LBP: variants seen among roughly 807,000 people sequenced by gnomAD.
The protein encoded by LBP is lipopolysaccharide binding protein.
A neutral mutation model predicts 56.6 loss-of-function variants in LBP; 53 were observed. The observed-to-expected ratio is 0.94, with a 90% CI of 0.75 to 1.18. The LOEUF (loss-of-function observed/expected upper bound fraction) is 1.18. LBP is among the 50% of genes most tolerant of loss of function. The probability of loss-of-function intolerance (pLI) is 0.00; values close to 1 mark genes in which losing one functional copy is unlikely to be tolerated. For synonymous variants in LBP, 227 were observed against 247.5 expected, an observed-to-expected ratio of 0.92 and a Z score of 0.78; for missense variants, 601 against 598.3, an observed-to-expected ratio of 1.00 and a Z score of -0.05.
chr20:38,358,239 A>G (rs1475836693), intron 5 of LBP, among the ~76,000 whole-genome samples: 1 of 152,202 alleles, frequency 6.6e-6, no homozygotes. Context: ...AGAACCAAAA[A>G]GCAGAGAGAG....
At chr20:38,373,371 CTTATAAGCGGGACAG>C (rs2076907410) in intron 13 of LBP, among the ~76,000 whole-genome samples, 1 of 152,142 alleles carries the variant, frequency 6.6e-6, no homozygotes, top group Admixed American at 6.5e-5. Context: ...GGGAAACCTC[CTTATAAGCGGGACAG>C]AGGGACACAT....
In LBP at chr20:38,370,715, C is replaced by T. The variant is rs199832031; in HGVS notation, c.1150-23C>T. 4.4e-6 allele frequency: 7 copies of T among 1,608,466 alleles called. No homozygotes were observed. In the East Asian group the frequency reaches 1.6e-4, roughly 36 times the overall value. On this transcript the variant is annotated intron_variant, in intron 10 of 14. Transcript: ENST00000217407. ...ATACAACCTTCATCACTTACACCTGCTTCCTTCTTCTGGCATTTCCAGGCC... is the reference window on the plus strand; with the variant it reads ...ATACAACCTTCATCACTTACACCTGTTTCCTTCTTCTGGCATTTCCAGGCC...
chr20:38,349,224 AG>A (rs2076811853), intron 1 of LBP, among the ~76,000 whole-genome samples: 1 of 152,240 alleles, frequency 6.6e-6, no homozygotes, highest in African/African-American at 2.4e-5. Context: ...TCTTCTACAC[AG>A]GCCAGATGTC....
At position 38,373,241 on chromosome 20, in the gene LBP, G is replaced by C. The variant is rs1006265727; in HGVS notation, c.1324+106G>C. The C allele has an allele frequency of 4.3e-6, 4 of 937,410 alleles. No homozygotes were observed. In the African/African-American group the frequency reaches 6.5e-5, roughly 15 times the overall value. The allele number at this position is 937,410 out of a possible 1,614,324, so 58.1% of individuals were successfully genotyped here. A position where few individuals can be genotyped will look rare whatever the true frequency, so the allele number is the denominator to read the frequency against. ...GCTCTCCTGGGGGCTGTATGACCGT[G>C]GGCAAGTCACTTCTCTCTGAGCTTA... On this transcript the variant is annotated intron_variant, in intron 13 of 14. Coordinates refer to ENST00000217407, the MANE Select transcript of LBP (RefSeq NM_004139.5).
At position 38,348,629 on chromosome 20, in the gene LBP, T is replaced by C. The variant is rs553029121; in HGVS notation, c.125-919T>C. ...CATATTTTTAATAATATAAACCCTA[T>C]TTGCTGTTCCAGGCATTTACTGAGT... is the stretch of plus-strand genomic sequence containing the variant. On this transcript the variant is annotated intron_variant, in intron 1 of 14. Coordinates refer to ENST00000217407, the MANE Select transcript of LBP (RefSeq NM_004139.5). Among the ~76,000 whole-genome samples, 74 of 151,844 alleles carry C rather than the reference T, an allele frequency of 4.9e-4. No homozygotes were observed. The South Asian group carries it at 8.8e-3, about 18-fold the overall frequency.
intron 5 of LBP, among the ~76,000 whole-genome samples, chr20:38,359,189 T>G (rs1600725462): frequency 6.6e-6 from 1 of 152,224 alleles, no homozygotes; most frequent in African/African-American, 2.4e-5. Context: ...TAATCTTGCT[T>G]TTAGAGGGGT....
At chr20:38,376,482 G>A (rs895098313) in intron 14 of LBP, 143 bp from the exon 15 acceptor site, 2 of 745,992 alleles carry the variant, frequency 2.7e-6, no homozygotes, top group African/African-American at 1.7e-5. Context: ...CTTGGGGACT[G>A]AGGCACACTC....
In LBP at chr20:38,364,159, C is replaced by T. The variant is rs1011333269; in HGVS notation, c.744+93C>T. ...CTGTCCCCCCAACTTCAGATCTGTC[C>T]TCATCCTCCCAGTGGTTCCCGCTTT... On this transcript the variant is annotated intron_variant, in intron 7 of 14. Transcript: ENST00000217407. 20 of 824,252 alleles carry T rather than the reference C, an allele frequency of 2.4e-5. 1 individual carries two copies. In the Middle Eastern group the frequency reaches 1.1e-3, roughly 46 times the overall value. The allele number at this position is 824,252 out of a possible 1,614,324, so 51.1% of individuals were successfully genotyped here. A position where few individuals can be genotyped will look rare whatever the true frequency, so the allele number is the denominator to read the frequency against.
intron 1 of LBP, among the ~76,000 whole-genome samples, chr20:38,348,751 T>TAGTTC (rs2076809780): frequency 2.7e-5 from 2 of 73,424 alleles, no homozygotes; most frequent in Non-Finnish European, 6.5e-5. Flanking sequence ...GAGGAAAGTT[T>TAGTTC]AGTTTAGTTT....
At chr20:38,370,027 ATATTGTTGT>A (rs1189150823) in intron 10 of LBP, among the ~76,000 whole-genome samples, 1 of 152,044 alleles carries the variant, frequency 6.6e-6, no homozygotes, top group Non-Finnish European at 1.5e-5. Context: ...CTGCAATTTA[ATATTGTTGT>A]TATTGTTATC....
chr20:38,366,776 C>T lies in LBP; in HGVS notation c.929C>T (p.Pro310Leu). Reference protein sequence around the residue: ...NFSITDDMIPPDSNIRLTTKS... With the variant: ...NFSITDDMIPLDSNIRLTTKS... ...CATGTCTCTTTGCTGCAGATACCGCCTGACTCTAATATCCGACTGACCACC... is the reference window on the plus strand; with the variant it reads ...CATGTCTCTTTGCTGCAGATACCGCTTGACTCTAATATCCGACTGACCACC... The change falls in exon 9 of 15, where the codon CCT becomes CTT. Residue 310 changes from proline to leucine, a missense_variant. Pro to Leu is a moderately conservative substitution (Grantham distance 98). Coordinates refer to ENST00000217407, the MANE Select transcript of LBP (RefSeq NM_004139.5). The T allele has an allele frequency of 6.2e-7, 1 of 1,614,166 alleles. No individual in the cohort carries two copies. Among genetic ancestry groups the T allele is most frequent in the Non-Finnish European group, 8.5e-7 (1 of 1,180,044 alleles).
chr20:38,371,266 C>T lies in LBP; in HGVS notation c.1218-14C>T. The T allele has an allele frequency of 6.2e-7, 1 of 1,609,646 alleles. No homozygotes were observed. Among genetic ancestry groups the T allele is most frequent in the Non-Finnish European group, 8.5e-7 (1 of 1,176,590 alleles). ...TAAAGCCCACACCTTTTAATCTTCT[C>T]TGATTCATTACAGGGTAAAAGTGGA... On this transcript the variant is annotated splice_polypyrimidine_tract_variant and intron_variant, in intron 11 of 14. Transcript: ENST00000217407.
At chr20:38,354,587 G>A (rs767416263) in intron 4 of LBP, 148 bp downstream of exon 4, 10 of 618,148 alleles carry the variant, frequency 1.6e-5, no homozygotes, top group East Asian at 3.1e-5. Flanking sequence ...CTGTTGAGAT[G>A]AACAGACTTA....
chr20:38,373,585 G>A (rs1175594299), intron 13 of LBP, among the ~76,000 whole-genome samples: 1 of 152,214 alleles, frequency 6.6e-6, no homozygotes, highest in Non-Finnish European at 1.5e-5. Flanking sequence ...ACAGAGAACA[G>A]GACGGGCAAA....
At chr20:38,365,746 T>A (rs9679985) in intron 8 of LBP, among the ~76,000 whole-genome samples, 12 of 135,738 alleles carry the variant, frequency 8.8e-5, no homozygotes, top group Admixed American at 1.5e-4. Flanking sequence ...ATATATATAT[T>A]TATATGTGAA....
chr20:38,370,724 T>G lies in LBP; in HGVS notation c.1150-14T>G. Reference sequence around the variant, plus strand: ...TCATCACTTACACCTGCTTCCTTCTTCTGGCATTTCCAGGCCACTAATGTG... The same window carrying G: ...TCATCACTTACACCTGCTTCCTTCTGCTGGCATTTCCAGGCCACTAATGTG... On this transcript the variant is annotated splice_polypyrimidine_tract_variant and intron_variant, in intron 10 of 14. Transcript: ENST00000217407. 1 of 1,612,828 alleles carries G rather than the reference T, an allele frequency of 6.2e-7. No homozygotes were observed. The highest frequency in any genetic ancestry group is 8.5e-7 in the Non-Finnish European group (1 of 1,178,832).
rs778232073 is a variant in LBP at position 38,373,026 on chromosome 20, T to C, written c.1261-46T>C. 5.3e-6 allele frequency: 8 copies of C among 1,521,828 alleles called. No homozygotes were observed. The Admixed American group carries it at 8.4e-5, about 16-fold the overall frequency. 94.3% of individuals were successfully genotyped at this position (1,521,828 alleles called of 1,614,324 possible). A position where few individuals can be genotyped will look rare whatever the true frequency, so the allele number is the denominator to read the frequency against. On this transcript the variant is annotated intron_variant, in intron 12 of 14. Transcript: ENST00000217407. ...TATGTTGGCACACACAGAACCACCATGTGGCCCTGTGGCGATGTAAATATA... is the reference window on the plus strand; with the variant it reads ...TATGTTGGCACACACAGAACCACCACGTGGCCCTGTGGCGATGTAAATATA...
intron 1 of LBP, among the ~76,000 whole-genome samples, chr20:38,348,606 T>A (rs2076809107): frequency 6.6e-6 from 1 of 151,292 alleles, no homozygotes; most frequent in Non-Finnish European, 1.5e-5. Context: ...CCCCTTTCCA[T>A]ATTTTTAATA....
chr20:38,349,802 G>A, intron 2 of LBP, 140 bp downstream of exon 2: 4 of 615,240 alleles, frequency 6.5e-6, no homozygotes, highest in Non-Finnish European at 1.1e-5. Context: ...GTTCCCTGAA[G>A]AGCTCAGAAG....
Sources: gnomAD v4.1 joint callset for allele counts (sites outside exome capture counted in the v4.1 genomes callset) on GRCh38, gnomAD v4.1.1 for gene constraint, MANE v1.5 for transcripts, NCBI Gene and HGNC (gene_info 2026-07-23, HGNC 2026-07-21) for gene names.